The following HSCB variants were observed in gnomAD, a reference collection of about 807,000 sequenced individuals.
HSCB encodes HscB mitochondrial iron-sulfur cluster cochaperone.
HSCB carries 23 observed loss-of-function variants against 31.3 expected under a neutral mutation model. That is an observed-to-expected ratio of 0.74 (90% confidence interval 0.53 to 1.04). HSCB has a LOEUF of 1.04. Among genes scored for constraint, HSCB ranks in the 50% least tolerant of loss-of-function variants. The probability of loss-of-function intolerance (pLI) is 0.00; values close to 1 mark genes in which losing one functional copy is unlikely to be tolerated. For synonymous variants in HSCB, 110 were observed against 104.5 expected, an observed-to-expected ratio of 1.05 and a Z score of -0.32; for missense variants, 297 against 288.1, an observed-to-expected ratio of 1.03 and a Z score of -0.22.
intron 5 of HSCB, among the ~76,000 whole-genome samples, chr22:28,756,429 C>T (rs1281451410): frequency 6.6e-6 from 1 of 150,808 alleles, no homozygotes; most frequent in Non-Finnish European, 1.5e-5. Context: ...TATACCACCA[C>T]ATGTTAGGGA....
Position 28,750,247 on chromosome 22 carries a change from C to CAAA in HSCB, c.569-967_569-965dup, listed in dbSNP as rs563701958. ...CTGGGCAACAAGAGCGAAACTGTCT[C>CAAA]AAAAAAAAAAAAAAAAAAAAAAAAA... On this transcript the variant is annotated intron_variant, in intron 4 of 5. Transcript: ENST00000216027. 8.0e-4 allele frequency among the ~76,000 whole-genome samples: 52 copies of CAAA among 64,702 alleles called. 1 individual carries two copies. Among genetic ancestry groups the CAAA allele is most frequent in the Non-Finnish European group, 1.0e-3 (32 of 32,160 alleles). 42.4% of individuals were successfully genotyped at this position (64,702 alleles called of 152,430 possible).
intron 3 of HSCB, 84 bp from the exon 4 acceptor site, chr22:28,745,780 A>T (rs1270308539): frequency 1.7e-6 from 2 of 1,164,092 alleles, no homozygotes; most frequent in African/African-American, 1.6e-5. Flanking sequence ...TATTAGTGGT[A>T]TTATTTCCTA....
chr22:28,744,085 G>GT (rs2054642329), intron 2 of HSCB, 107 bp downstream of exon 2: 5 of 904,518 alleles, frequency 5.5e-6, no homozygotes, highest in Admixed American at 1.7e-5. Context: ...AATCAGCTGT[G>GT]TCTGCCCCAT....
At chr22:28,747,564 A>G (rs983567931) in intron 4 of HSCB, among the ~76,000 whole-genome samples, 1 of 152,092 alleles carries the variant, frequency 6.6e-6, no homozygotes, top group Non-Finnish European at 1.5e-5. Context: ...CAGTCTCCCA[A>G]AGTGCTGGGA....
At position 28,756,594 on chromosome 22, in the gene HSCB, G is replaced by A. The variant is rs150331071; in HGVS notation, c.617-484G>A. ...AGGGATCCTCCCACCTCAGCCTCCC[G>A]AGTGGCCAGGACTACAGGCATGTGC... is the stretch of plus-strand genomic sequence containing the variant. On this transcript the variant is annotated intron_variant, in intron 5 of 5. Coordinates refer to ENST00000216027, the MANE Select transcript of HSCB (RefSeq NM_172002.5). 7.7e-3 allele frequency among the ~76,000 whole-genome samples: 1,168 copies of A among 151,300 alleles called. 16 individuals are homozygous for A. The highest frequency in any genetic ancestry group is 0.027 in the African/African-American group (1,122 of 41,278).
At chr22:28,750,649 A>C (rs1444416271) in intron 4 of HSCB, among the ~76,000 whole-genome samples, 2 of 152,196 alleles carry the variant, frequency 1.3e-5, no homozygotes, top group East Asian at 3.8e-4. Flanking sequence ...CACCATATAA[A>C]TAACTGACAC....
At chr22:28,753,661 A>AC (rs2030409893) in intron 5 of HSCB, among the ~76,000 whole-genome samples, 1 of 146,952 alleles carries the variant, frequency 6.8e-6, no homozygotes, top group Admixed American at 6.9e-5. Flanking sequence ...ACACGGTGAA[A>AC]CCCCGTCTCT....
chr22:28,755,073 C>G (rs1285570587), intron 5 of HSCB, among the ~76,000 whole-genome samples: 3 of 145,944 alleles, frequency 2.1e-5, no homozygotes, highest in Admixed American at 6.8e-5. Context: ...GGATTACAGG[C>G]GTGAGCCACC....
chr22:28,744,834 G>GC, intron 3 of HSCB, 130 bp downstream of exon 3: 1 of 731,762 alleles, frequency 1.4e-6, no homozygotes, highest in Non-Finnish European at 2.4e-6. Context: ...TGTAATCCCA[G>GC]AACTTTCAGA....
chr22:28,748,562 G>C (rs1425102056), intron 4 of HSCB, among the ~76,000 whole-genome samples: 2 of 151,926 alleles, frequency 1.3e-5, no homozygotes, highest in African/African-American at 4.8e-5. Flanking sequence ...GCCCAGGCTG[G>C]AGTGCACTGG....
Position 28,742,314 on chromosome 22 carries a change from C to T in HSCB, c.219C>T (p.Tyr73=). Residue 73 remains tyrosine, a synonymous_variant, in exon 1 of 6, where the codon TAC becomes TAT. Transcript: ENST00000216027. ...AGGCACCTGACCCCACTCGAGACTA[C>T]TTCAGCCTTATGGACTGGTACGAGC... is the stretch of plus-strand genomic sequence containing the variant. ...ALQAPDPTRD[Y]FSLMDCNRSF... is the part of the protein sequence containing the mutation. 10 of 1,614,064 alleles carry T rather than the reference C, an allele frequency of 6.2e-6. No individual in the cohort carries two copies. The highest frequency in any genetic ancestry group is 1.3e-5 in the African/African-American group (1 of 75,034).
chr22:28,742,397 G>A (rs996641811), intron 1 of HSCB, 66 bp downstream of exon 1: 9 of 1,579,528 alleles, frequency 5.7e-6, no homozygotes, highest in East Asian at 4.6e-5. Context: ...CCTGCGAGAG[G>A]GGAGGACGGA....
At chr22:28,742,625 G>T in intron 1 of HSCB, 1 of 451,822 alleles carries the variant, frequency 2.2e-6, no homozygotes. Context: ...GAGATTTGAG[G>T]GGCGGTACCT....
At chr22:28,747,911 T>C (rs1601394326) in intron 4 of HSCB, among the ~76,000 whole-genome samples, 1 of 151,724 alleles carries the variant, frequency 6.6e-6, no homozygotes, top group Admixed American at 6.6e-5. Flanking sequence ...TTAGGCTGGG[T>C]GCAGTGGCTC....
rs778262252 is a variant in HSCB, at chr22:28,742,246, G to A, written c.151G>A (p.Gly51Arg). Residue 51 changes from glycine (G) to arginine (R), a missense_variant, in exon 1 of 6, where the codon GGG (glycine) becomes AGG (arginine). Transcript: ENST00000216027. ...GAACTGCGGCGGCCCATGGGGCCCC[G>A]GGCGGGAGGACAGGTTCTTCTGCCC... ...CWNCGGPWGP[G>R]REDRFFCPQC... 1.9e-6 allele frequency: 3 copies of A among 1,614,034 alleles called. No individual in the cohort carries two copies. In the South Asian group the frequency reaches 3.3e-5, roughly 18 times the overall value.
chr22:28,755,759 A>G (rs980052785), intron 5 of HSCB, among the ~76,000 whole-genome samples: 1 of 152,208 alleles, frequency 6.6e-6, no homozygotes, highest in East Asian at 1.9e-4. Context: ...GGTTTTCTCA[A>G]CCTTGGCACT....
intron 4 of HSCB, among the ~76,000 whole-genome samples, chr22:28,748,508 T>C (rs1483928017): frequency 1.3e-5 from 2 of 151,778 alleles, no homozygotes; most frequent in South Asian, 4.1e-4. Context: ...AAGCGTTTTT[T>C]TTTGTTGTTT....
intron 1 of HSCB, 167 bp downstream of exon 1, chr22:28,742,498 A>G (rs2054589192): frequency 3.2e-6 from 4 of 1,240,256 alleles, no homozygotes; most frequent in Non-Finnish European, 4.3e-6. Context: ...TCAGGAGGAA[A>G]TTGAGAGGCG....
intron 1 of HSCB, 37 bp from the exon 2 acceptor site, chr22:28,743,845 T>C (rs1238586860): frequency 3.3e-6 from 5 of 1,525,126 alleles, no homozygotes; most frequent in Non-Finnish European, 4.5e-6. Context: ...CCTTTAAATA[T>C]TTGTTGTATA....
Sources: gnomAD v4.1 joint callset for allele counts (sites outside exome capture counted in the v4.1 genomes callset) on GRCh38, gnomAD v4.1.1 for gene constraint, MANE v1.5 for transcripts, NCBI Gene and HGNC (gene_info 2026-07-23, HGNC 2026-07-21) for gene names.